ALDH1L2: variants seen among roughly 807,000 people sequenced by gnomAD.
ALDH1L2 encodes the protein aldehyde dehydrogenase 1 family member L2, also known as mitochondrial 10-formyltetrahydrofolate dehydrogenase.
A neutral mutation model predicts 111.0 loss-of-function variants in ALDH1L2; 91 were observed. The observed-to-expected ratio is 0.82, with a 90% CI of 0.69 to 0.98. The LOEUF (loss-of-function observed/expected upper bound fraction) is 0.98, where lower values mean the gene tolerates loss of function less well. Ranked by LOEUF, ALDH1L2 falls within the 50% of genes least tolerant of loss-of-function variation. The pLI, the probability that ALDH1L2 is intolerant of heterozygous loss-of-function variation, is 0.00. For missense variants in ALDH1L2, 995 were observed against 1,126.8 expected (o/e 0.88, Z 1.67); for synonymous variants, 374 against 392.6 (o/e 0.95, Z 0.56).
At chr12:105,047,093 G>A (rs928453456) in intron 13 of ALDH1L2, 124 bp from the exon 14 acceptor site, 1 of 1,012,816 alleles carries the variant, frequency 9.9e-7, no homozygotes, top group Non-Finnish European at 1.5e-6. Context: ...AGCGTTTGTT[G>A]ATAAGAACTA....
At chr12:105,060,407 C>T (rs1344340677) in intron 9 of ALDH1L2, 1 of 152,080 alleles carries the variant, frequency 6.6e-6, no homozygotes, top group Non-Finnish European at 1.5e-5. Context: ...AAGATGCAAA[C>T]AATTCTAAGG....
At chr12:105,057,480 A>G (rs567770919) in intron 10 of ALDH1L2, among the ~76,000 whole-genome samples, 11 of 152,356 alleles carry the variant, frequency 7.2e-5, no homozygotes, top group African/African-American at 2.4e-4. Context: ...AGCATTATTC[A>G]TAATAGCCAA....
rs1285785372 is a variant in ALDH1L2, at chr12:105,065,377, G to A, written c.697-21C>T. On this transcript the variant is annotated intron_variant, in intron 5 of 22. Transcript: ENST00000258494. ...GAAATCTAGGAAGGCACAAAATACAGGCTGAGCCTCCTATGGCTGTGAACC... is the reference window on the plus strand; with the variant it reads ...GAAATCTAGGAAGGCACAAAATACAAGCTGAGCCTCCTATGGCTGTGAACC... 1.9e-6 allele frequency: 3 copies of A among 1,598,368 alleles called. No individual in the cohort carries two copies. In the African/African-American group the frequency reaches 4.0e-5, roughly 21 times the overall value.
chr12:105,034,757 G>A (rs1198663902), intron 18 of ALDH1L2, among the ~76,000 whole-genome samples: 2 of 152,074 alleles, frequency 1.3e-5, no homozygotes, highest in African/African-American at 2.4e-5. Context: ...AGGCTGAGGC[G>A]GGCAGATCAC....
chr12:105,054,629 G>C (rs1876500452), intron 10 of ALDH1L2, among the ~76,000 whole-genome samples: 1 of 152,172 alleles, frequency 6.6e-6, no homozygotes, highest in Admixed American at 6.5e-5. Flanking sequence ...CCAAAGAACT[G>C]TTACTATTTG....
In ALDH1L2 at chr12:105,030,311, C is replaced by CTGAAGAACCTACCCATTT. The variant is rs753009562; in HGVS notation, c.2511_2516+12dup. 1.4e-5 allele frequency: 22 copies of CTGAAGAACCTACCCATTT among 1,603,752 alleles called. No individual in the cohort carries two copies. The highest frequency in any genetic ancestry group is 2.6e-6 in the Non-Finnish European group (3 of 1,174,662). On this transcript the variant is annotated intron_variant, in intron 21 of 22. Transcript: ENST00000258494. ...AGTCAAAACCTAAGTTACATTGTGT[C>CTGAAGAACCTACCCATTT]TGAAGAACCTACCCATTTTGGAATT...
intron 6 of ALDH1L2, 140 bp from the exon 7 acceptor site, chr12:105,063,162 CTG>C: frequency 1.0e-6 from 1 of 1,001,982 alleles, no homozygotes; most frequent in Admixed American, 3.2e-5. Context: ...ATGGGAGAAA[CTG>C]TCTCAAACAT....
rs1394685432 is a variant in ALDH1L2, at chr12:105,024,135, A to G, written c.*289T>C. 8.0e-6 allele frequency: 4 copies of G among 502,158 alleles called. No homozygotes were observed. The highest frequency in any genetic ancestry group is 1.4e-5 in the Non-Finnish European group (4 of 279,572). 31.1% of individuals were successfully genotyped at this position (502,158 alleles called of 1,614,324 possible). ...ATGGTACTGACATCTTCAAGATGGG[A>G]ACCATGAATAGATTTGTCTAGGTAG... On this transcript the variant is annotated 3_prime_UTR_variant, in exon 23 of 23. Coordinates refer to ENST00000258494, the MANE Select transcript of ALDH1L2 (RefSeq NM_001034173.4).
intron 6 of ALDH1L2, among the ~76,000 whole-genome samples, chr12:105,063,918 T>C (rs1180915525): frequency 6.6e-6 from 1 of 152,052 alleles, no homozygotes; most frequent in Admixed American, 6.6e-5. Flanking sequence ...GTTGAATACT[T>C]ACTCTAGGCC....
Position 105,023,351 on chromosome 12 carries a change from A to T in ALDH1L2, c.*1073T>A, listed in dbSNP as rs981669465. 1.3e-5 allele frequency: 2 copies of T among 152,098 alleles called. No individual in the cohort carries two copies. The highest frequency in any genetic ancestry group is 2.9e-5 in the Non-Finnish European group (2 of 68,024). The allele number at this position is 152,098 out of a possible 1,614,324, so 9.4% of individuals were successfully genotyped here. A position where few individuals can be genotyped will look rare whatever the true frequency, so the allele number is the denominator to read the frequency against. On this transcript the variant is annotated 3_prime_UTR_variant, in exon 23 of 23. Coordinates refer to ENST00000258494, the MANE Select transcript of ALDH1L2 (RefSeq NM_001034173.4). ...CACCCCTTTTCCTTGTACTATTGCC[A>T]TTTTTCATTGTGTGGCATTTTTCAG... is the stretch of plus-strand genomic sequence containing the variant.
At chr12:105,064,114 CTTTTTTTTTTTTTTTTTTTTTTTT>C (rs71069786) in intron 6 of ALDH1L2, among the ~76,000 whole-genome samples, 477 of 35,118 alleles carry the variant, frequency 0.014, 7 homozygotes, top group African/African-American at 0.048. Flanking sequence ...CCACACCGAG[CTTTTTTTTTTTTTTTTTTTTTTTT>C]TTTTTTTTTT....
In ALDH1L2 at chr12:105,058,241, C is replaced by A. The variant is rs199983053; in HGVS notation, c.1140-21G>T. 1.9e-5 allele frequency: 30 copies of A among 1,582,834 alleles called. 1 individual carries two copies. In the African/African-American group the frequency reaches 3.6e-4, roughly 19 times the overall value. On this transcript the variant is annotated intron_variant, in intron 9 of 22. Transcript: ENST00000258494. ...CCAGCCTTAAAGTAAAAACCAGCTT[C>A]GCGTTACTTAGATTTTTAAAAGGGG...
intron 1 of ALDH1L2, among the ~76,000 whole-genome samples, chr12:105,077,825 C>T (rs1352899719): frequency 6.6e-6 from 1 of 151,864 alleles, no homozygotes; most frequent in Admixed American, 6.6e-5. Flanking sequence ...ATCTGAAGCC[C>T]TTTGGCCAGA....
chr12:105,077,004 GA>G (rs1194568594), intron 1 of ALDH1L2, among the ~76,000 whole-genome samples: 1 of 152,258 alleles, frequency 6.6e-6, no homozygotes, highest in Non-Finnish European at 1.5e-5. Context: ...TACTTTAGCA[GA>G]TGTGTTTCTA....
intron 4 of ALDH1L2, 35 bp from the exon 5 acceptor site, chr12:105,066,704 A>G (rs760434466): frequency 3.9e-5 from 60 of 1,550,130 alleles, no homozygotes; most frequent in African/African-American, 5.4e-5. Flanking sequence ...TTACAGCCCA[A>G]TGATCAACAA....
At chr12:105,046,215 ATATATATTTTTTTTTTTTTTT>A (rs1875887439) in intron 15 of ALDH1L2, among the ~76,000 whole-genome samples, 2 of 37,710 alleles carry the variant, frequency 5.3e-5, no homozygotes, top group African/African-American at 2.4e-4. Flanking sequence ...ATATATATAT[ATATATATTTTTTTTTTTTTTT>A]TTTTTTTTTT....
chr12:105,028,738 C>T (rs953209892), intron 21 of ALDH1L2, among the ~76,000 whole-genome samples: 2 of 152,142 alleles, frequency 1.3e-5, no homozygotes, highest in Non-Finnish European at 1.5e-5. Context: ...AAGATATCAC[C>T]ATAGCTCCAT....
Position 105,073,953 on chromosome 12 carries a change from C to G in ALDH1L2, c.101G>C (p.Gly34Ala). ...GCGGAGGTGGCTATAGACTTCTTGT[C>G]CAAAGAGGCTCTGGCCAATTAGTGC... The part of the protein sequence containing the change: ...KLALIGQSLF[G>A]QEVYSHLRKE... The change falls in exon 2 of 23, where the codon GGA becomes GCA. Residue 34 changes from glycine to alanine, a missense_variant. Coordinates refer to ENST00000258494, the MANE Select transcript of ALDH1L2 (RefSeq NM_001034173.4). 1 of 1,614,130 alleles carries G rather than the reference C, an allele frequency of 6.2e-7. No homozygotes were observed. The highest frequency in any genetic ancestry group is 8.5e-7 in the Non-Finnish European group (1 of 1,180,032).
intron 1 of ALDH1L2, among the ~76,000 whole-genome samples, chr12:105,074,651 A>C (rs1194155472): frequency 6.6e-6 from 1 of 152,000 alleles, no homozygotes; most frequent in Non-Finnish European, 1.5e-5. Flanking sequence ...CTCCAATCTA[A>C]ATGGGATTCG....
Sources: allele counts gnomAD v4.1 joint callset (sites outside exome capture counted in the v4.1 genomes callset), GRCh38; gene constraint gnomAD v4.1.1; transcripts MANE v1.5; gene names NCBI Gene and HGNC (gene_info 2026-07-23, HGNC 2026-07-21).